DPP6: variants seen among roughly 807,000 people sequenced by gnomAD.
DPP6 encodes the protein A-type potassium channel modulatory protein DPP6.
In DPP6, 69 loss-of-function variants were observed where a neutral mutation model predicts 122.6. The observed-to-expected ratio is 0.56, with a 90% CI of 0.46 to 0.69. The LOEUF is 0.69. Among genes scored for constraint, DPP6 ranks in the 30% least tolerant of loss-of-function variants. DPP6 has a pLI of 0.00. For synonymous variants in DPP6, 418 were observed against 433.1 expected (o/e 0.97, Z 0.43); for missense variants, 928 against 1,116.9 (o/e 0.83, Z 2.41).
chr7:154,305,952 T>C (rs1172807418), intron 1 of DPP6, among the ~76,000 whole-genome samples: 1 of 151,596 alleles, frequency 6.6e-6, no homozygotes, highest in African/African-American at 2.4e-5. Context: ...GGGAAGAGGG[T>C]TGTAGCCAGA....
At position 154,383,811 on chromosome 7, in the gene DPP6, G is replaced by A. The variant is rs572770056; in HGVS notation, c.244-62403G>A. On this transcript the variant is annotated intron_variant, in intron 1 of 25. Transcript: ENST00000377770. Reference sequence around the variant, plus strand: ...AGGCTGAGGCATGAGAATCGCTTGAGCCCAGGAGGCAGAGGTTGCAGTGAG... The same window carrying A: ...AGGCTGAGGCATGAGAATCGCTTGAACCCAGGAGGCAGAGGTTGCAGTGAG... Among the ~76,000 whole-genome samples the A allele has an allele frequency of 8.2e-5, 12 of 145,996 alleles. No homozygotes were observed. In the East Asian group the frequency reaches 2.1e-3, roughly 26 times the overall value.
At chr7:154,700,639 C>T (rs1450304897) in intron 7 of DPP6, among the ~76,000 whole-genome samples, 2 of 152,228 alleles carry the variant, frequency 1.3e-5, no homozygotes, top group Non-Finnish European at 2.9e-5. Context: ...TCAATGAGAT[C>T]GTTTTTGCAT....
chr7:153,858,023 G>A, the DPP6 span, among the ~76,000 whole-genome samples: 1 of 152,194 alleles, frequency 6.6e-6, no homozygotes, highest in Non-Finnish European at 1.5e-5. Context: ...ACATACTGAT[G>A]TACTTGTTAC....
intron 1 of DPP6, among the ~76,000 whole-genome samples, chr7:154,088,874 A>C (rs1451761191): frequency 6.6e-6 from 1 of 152,188 alleles, no homozygotes; most frequent in Non-Finnish European, 1.5e-5. Context: ...AATTAATGAA[A>C]ATTTAAAACA....
intron 1 of DPP6, chr7:154,093,598 C>CCACACACACACCACACACACACA (rs1805054976): frequency 1.5e-5 from 2 of 135,018 alleles, no homozygotes; most frequent in Admixed American, 7.5e-5. Flanking sequence ...ACACCATACC[C>CCACACACACACCACACACACACA]CACACACACA....
At chr7:153,896,048 C>T (rs567974275) in intron 1 of DPP6, among the ~76,000 whole-genome samples, 73 of 152,340 alleles carry the variant, frequency 4.8e-4, no homozygotes, top group African/African-American at 1.7e-3. Flanking sequence ...CACTGGGTCT[C>T]ACTACGAGAG....
intron 1 of DPP6, among the ~76,000 whole-genome samples, chr7:154,279,797 A>AT (rs994853510): frequency 1.3e-5 from 2 of 152,080 alleles, no homozygotes; most frequent in African/African-American, 4.8e-5. Flanking sequence ...CTCTCTGGCT[A>AT]TTTTTTCCTC....
At chr7:153,854,326 G>C in the DPP6 span, among the ~76,000 whole-genome samples, 13 of 152,036 alleles carry the variant, frequency 8.6e-5, 1 homozygote, top group South Asian at 2.7e-3. Context: ...CTTGGTGATC[G>C]CAACCTACTC....
intron 1 of DPP6, among the ~76,000 whole-genome samples, chr7:154,260,161 G>A (rs945884867): frequency 6.6e-5 from 10 of 152,204 alleles, no homozygotes; most frequent in Non-Finnish European, 1.5e-4. Flanking sequence ...CCACAAGTCT[G>A]TGGGGTGGGA....
intron 6 of DPP6, among the ~76,000 whole-genome samples, chr7:154,654,766 G>C (rs964253496): frequency 6.6e-6 from 1 of 151,938 alleles, no homozygotes; most frequent in African/African-American, 2.4e-5. Context: ...AGAGTGTCTG[G>C]GAAAATTTTA....
chr7:154,425,030 C>T (rs1225037438), intron 1 of DPP6, among the ~76,000 whole-genome samples: 2 of 152,148 alleles, frequency 1.3e-5, no homozygotes, highest in African/African-American at 4.8e-5. Context: ...TTAATTATTT[C>T]TTCATTATAT....
At chr7:154,878,305 G>A (rs1337845198) in intron 20 of DPP6, among the ~76,000 whole-genome samples, 1 of 152,244 alleles carries the variant, frequency 6.6e-6, no homozygotes, top group African/African-American at 2.4e-5. Flanking sequence ...AAGAAGGAAT[G>A]GGCCCAACCA....
chr7:154,135,791 A>G (rs60588119), intron 1 of DPP6, among the ~76,000 whole-genome samples: 1 of 149,560 alleles, frequency 6.7e-6, no homozygotes, highest in Non-Finnish European at 1.5e-5. Context: ...TCCTGTGAGT[A>G]TACACTTTCT....
At chr7:154,304,241 A>G (rs564939323) in intron 1 of DPP6, among the ~76,000 whole-genome samples, 2 of 152,372 alleles carry the variant, frequency 1.3e-5, no homozygotes, top group South Asian at 4.1e-4. Flanking sequence ...TGGAGTGCAG[A>G]GAAAGAGTGC....
intron 1 of DPP6, among the ~76,000 whole-genome samples, chr7:154,335,340 A>G (rs1809316133): frequency 6.6e-6 from 1 of 152,248 alleles, no homozygotes; most frequent in African/African-American, 2.4e-5. Context: ...CAAACTCTCA[A>G]TGCCACATAT....
At chr7:153,793,047 G>A in the DPP6 span, among the ~76,000 whole-genome samples, 1,720 of 152,122 alleles carry the variant, frequency 0.011, 23 homozygotes, top group African/African-American at 0.04. Context: ...TCCTAGTCTT[G>A]GGTGTGTCTT....
intron 1 of DPP6, among the ~76,000 whole-genome samples, chr7:154,255,784 A>G (rs1005532368): frequency 6.6e-6 from 1 of 152,248 alleles, no homozygotes; most frequent in Admixed American, 6.5e-5. Flanking sequence ...CACTTAGAAG[A>G]CAATACTACA....
intron 8 of DPP6, among the ~76,000 whole-genome samples, chr7:154,740,817 G>T (rs758625462): frequency 6.6e-6 from 1 of 152,048 alleles, no homozygotes; most frequent in African/African-American, 2.4e-5. Flanking sequence ...GGACATTTGC[G>T]TACTGGGAGA....
chr7:154,452,325 A>T (rs891360526), intron 2 of DPP6, among the ~76,000 whole-genome samples: 2 of 151,924 alleles, frequency 1.3e-5, no homozygotes, highest in African/African-American at 4.8e-5. Flanking sequence ...TAGATAGTGG[A>T]AATGCTGACC....
Sources: allele counts gnomAD v4.1 joint callset (sites outside exome capture counted in the v4.1 genomes callset), GRCh38; gene constraint gnomAD v4.1.1; transcripts MANE v1.5; gene names NCBI Gene and HGNC (gene_info 2026-07-23, HGNC 2026-07-21).